AOAH: variants seen among roughly 807,000 people sequenced by gnomAD.
The protein encoded by AOAH is acyloxyacyl hydrolase (neutrophil).
In AOAH, 64 loss-of-function variants were observed where a neutral mutation model predicts 92.2. The observed-to-expected ratio is 0.69, with a 90% CI of 0.57 to 0.86. The LOEUF (loss-of-function observed/expected upper bound fraction) is 0.86, where lower values mean the gene tolerates loss of function less well. Among genes scored for constraint, AOAH ranks in the 40% least tolerant of loss-of-function variants. The pLI is 0.00. For missense variants in AOAH, 656 were observed against 694.6 expected (o/e 0.94, Z 0.62); for synonymous variants, 263 against 254.5 (o/e 1.03, Z -0.32).
rs377409188 is a variant in AOAH at position 36,520,298 on chromosome 7, T to C, written c.1599+1741A>G. On this transcript the variant is annotated intron_variant, in intron 20 of 20. Transcript: ENST00000617537. ...CTGTCTTTGATCCTCCTCTTTTTAG[T>C]TTGTTCCTGATACTTTACATGGCCA... Among the ~76,000 whole-genome samples, 456 of 152,338 alleles carry C rather than the reference T, an allele frequency of 3.0e-3. 2 individuals are homozygous for C. The highest frequency in any genetic ancestry group is 9.4e-3 in the African/African-American group (392 of 41,574).
intron 12 of AOAH, among the ~76,000 whole-genome samples, chr7:36,592,257 A>G: frequency 6.6e-6 from 1 of 152,166 alleles, no homozygotes; most frequent in East Asian, 1.9e-4. Flanking sequence ...GGGGATGACC[A>G]AGGTTCTCTC....
intron 13 of AOAH, among the ~76,000 whole-genome samples, chr7:36,570,932 T>C (rs1283763253): frequency 2.6e-5 from 4 of 152,188 alleles, no homozygotes; most frequent in African/African-American, 9.7e-5. Flanking sequence ...TGAGCTAATA[T>C]CGGCCCCATG....
At chr7:36,517,212 T>TTCTTTC (rs1474223898) in intron 20 of AOAH, among the ~76,000 whole-genome samples, 46 of 21,162 alleles carry the variant, frequency 2.2e-3, no homozygotes, top group African/African-American at 4.5e-3. Flanking sequence ...CTTTCTTTCT[T>TTCTTTC]TCTCTTTCTT....
intron 3 of AOAH, among the ~76,000 whole-genome samples, chr7:36,659,469 G>A (rs1795075642): frequency 1.3e-5 from 2 of 152,188 alleles, no homozygotes; most frequent in South Asian, 4.1e-4. Flanking sequence ...TTAGAATGAG[G>A]TCCTAAAGGC....
chr7:36,599,267 T>C (rs983728876), intron 11 of AOAH, among the ~76,000 whole-genome samples: 15 of 152,362 alleles, frequency 9.8e-5, no homozygotes, highest in Admixed American at 9.8e-4. Flanking sequence ...GGTAATATTT[T>C]AAGCCCTAAT....
chr7:36,697,780 A>G (rs1797810297), intron 1 of AOAH, among the ~76,000 whole-genome samples: 1 of 152,234 alleles, frequency 6.6e-6, no homozygotes, highest in Admixed American at 6.5e-5. Flanking sequence ...ACTAGGATAG[A>G]GTGGTCCTTA....
At chr7:36,627,152 G>T (rs576807960) in intron 6 of AOAH, among the ~76,000 whole-genome samples, 1 of 152,236 alleles carries the variant, frequency 6.6e-6, no homozygotes, top group African/African-American at 2.4e-5. Context: ...TGCAATTTAG[G>T]AGCTTGACAT....
rs966214704 is a variant in AOAH at position 36,614,602 on chromosome 7, C to T, written c.846+1778G>A. ...AGCCTGTCTTCTCCTTCTTGCCCTGCGACTGCTGCACCCTCCAACAAAGTG... is the reference window on the plus strand; with the variant it reads ...AGCCTGTCTTCTCCTTCTTGCCCTGTGACTGCTGCACCCTCCAACAAAGTG... On this transcript the variant is annotated intron_variant, in intron 11 of 20. Transcript: ENST00000617537. This position sits in a 1 kb window ranked among gnomAD's most constrained non-coding sequence, Gnocchi z 4.2. 3.3e-5 allele frequency among the ~76,000 whole-genome samples: 5 copies of T among 152,248 alleles called. No homozygotes were observed. Among genetic ancestry groups the T allele is most frequent in the Admixed American group, 2.0e-4 (3 of 15,294 alleles).
chr7:36,699,732 C>T (rs1333745744), intron 1 of AOAH, among the ~76,000 whole-genome samples: 1 of 151,148 alleles, frequency 6.6e-6, no homozygotes, highest in Non-Finnish European at 1.5e-5. Flanking sequence ...ATATTTTCTC[C>T]CATTCTGTGG....
At chr7:36,548,228 C>T (rs1229324290) in intron 15 of AOAH, among the ~76,000 whole-genome samples, 1 of 152,188 alleles carries the variant, frequency 6.6e-6, no homozygotes, top group African/African-American at 2.4e-5. Flanking sequence ...CTCCGTCGCT[C>T]AGGCTGGAGT....
intron 4 of AOAH, among the ~76,000 whole-genome samples, chr7:36,650,885 T>C (rs1406832864): frequency 2.0e-5 from 3 of 152,022 alleles, no homozygotes; most frequent in Non-Finnish European, 4.4e-5. Flanking sequence ...TAAAGTGGTG[T>C]GAGAGAGCAG....
intron 15 of AOAH, among the ~76,000 whole-genome samples, chr7:36,544,654 CAT>C (rs1366331655): frequency 6.6e-6 from 1 of 152,198 alleles, no homozygotes; most frequent in Non-Finnish European, 1.5e-5. Context: ...TGCTCTCACA[CAT>C]GTCAGAAACA....
intron 4 of AOAH, among the ~76,000 whole-genome samples, chr7:36,657,014 T>C (rs1794934007): frequency 6.6e-6 from 1 of 152,122 alleles, no homozygotes; most frequent in South Asian, 2.1e-4. Context: ...TATATACCAC[T>C]GAAAACTAGA....
intron 13 of AOAH, among the ~76,000 whole-genome samples, chr7:36,567,824 T>C (rs1787819609): frequency 6.6e-6 from 1 of 152,192 alleles, no homozygotes; most frequent in Admixed American, 6.5e-5. Flanking sequence ...AGCAGCAGGA[T>C]GGACTGCTCC....
intron 13 of AOAH, among the ~76,000 whole-genome samples, chr7:36,549,794 T>C (rs2116322758): frequency 6.6e-6 from 1 of 152,214 alleles, no homozygotes; most frequent in Non-Finnish European, 1.5e-5. Flanking sequence ...AAAGTATGTA[T>C]CTACTACCAA....
At chr7:36,551,571 C>T (rs559003741) in intron 13 of AOAH, among the ~76,000 whole-genome samples, 6 of 152,216 alleles carry the variant, frequency 3.9e-5, no homozygotes, top group South Asian at 2.1e-4. Context: ...TCTGCCCTTA[C>T]GCATTTAACT....
intron 20 of AOAH, among the ~76,000 whole-genome samples, chr7:36,515,798 C>CA (rs2115690221): frequency 7.8e-6 from 1 of 128,968 alleles, no homozygotes; most frequent in East Asian, 2.5e-4. Context: ...ACACACACCC[C>CA]CACACACCAC....
At chr7:36,537,411 C>G (rs1040353040) in intron 16 of AOAH, among the ~76,000 whole-genome samples, 3 of 151,940 alleles carry the variant, frequency 2.0e-5, no homozygotes, top group African/African-American at 7.3e-5. Flanking sequence ...CCTTGCATGA[C>G]TGACAGTCTT....
chr7:36,628,835 C>T (rs1441524722), intron 6 of AOAH, among the ~76,000 whole-genome samples: 1 of 152,168 alleles, frequency 6.6e-6, no homozygotes, highest in Non-Finnish European at 1.5e-5. Context: ...GTGAGGACTC[C>T]GTGCTAGTGG....
Sources: gnomAD v4.1 joint callset for allele counts (sites outside exome capture counted in the v4.1 genomes callset) on GRCh38, gnomAD v4.1.1 for gene constraint, Gnocchi (gnomAD v3.1) non-coding constraint, MANE v1.5 for transcripts, NCBI Gene and HGNC (gene_info 2026-07-23, HGNC 2026-07-21) for gene names.